CUX2: variants seen among roughly 807,000 people sequenced by gnomAD.
The protein encoded by CUX2 is homeobox protein cut-like 2.
CUX2 carries 40 observed loss-of-function variants against 144.8 expected under a neutral mutation model. The ratio of observed to expected loss-of-function variants is 0.28; its 90% CI spans 0.21 to 0.36. CUX2 has a LOEUF of 0.36. Ranked by LOEUF, CUX2 falls within the 10% of genes least tolerant of loss-of-function variation. The pLI is 1.00. For missense variants in CUX2, 1,615 were observed against 1,994.0 expected, an observed-to-expected ratio of 0.81 and a Z score of 3.62; for synonymous variants, 827 against 875.6, an observed-to-expected ratio of 0.94 and a Z score of 0.98.
intron 1 of CUX2, among the ~76,000 whole-genome samples, chr12:111,081,624 A>C (rs753726627): frequency 6.6e-6 from 1 of 152,148 alleles, no homozygotes; most frequent in Non-Finnish European, 1.5e-5. Flanking sequence ...CTGGCCATAA[A>C]GCATGACAGA....
chr12:111,044,817 AC>A (rs1869919887), intron 1 of CUX2, among the ~76,000 whole-genome samples: 1 of 151,936 alleles, frequency 6.6e-6, no homozygotes, highest in Non-Finnish European at 1.5e-5. Flanking sequence ...TGGCTGCTAC[AC>A]CCCTCACTGG....
chr12:111,347,559 C>T lies in CUX2; in HGVS notation c.3695C>T (p.Thr1232Ile), dbSNP rs200760684. The T allele has an allele frequency of 1.2e-6, 2 of 1,609,572 alleles. No homozygotes were observed. Among genetic ancestry groups the T allele is most frequent in the Middle Eastern group, 1.7e-4 (1 of 5,994 alleles). ...RMRREMLVEG[T>I]QDEPDLDPSG... ...CGCCGGGAGATGTTGGTGGAGGGGA[C>T]CCAGGATGAGCCAGACCTTGATCCA... The change falls in exon 22 of 22, where the codon ACC becomes ATC. Residue 1232 changes from threonine to isoleucine, a missense_variant. Coordinates refer to ENST00000261726, the MANE Select transcript of CUX2 (RefSeq NM_015267.4).
intron 1 of CUX2, among the ~76,000 whole-genome samples, chr12:111,199,119 G>A (rs1009748300): frequency 3.3e-5 from 5 of 152,182 alleles, no homozygotes; most frequent in African/African-American, 9.6e-5. Flanking sequence ...TAGCAGCTTG[G>A]ACAAAGGCGG....
chr12:111,312,239 G>A lies in CUX2; in HGVS notation c.2002+38G>A, dbSNP rs750649891. The A allele has an allele frequency of 3.5e-5, 54 of 1,537,200 alleles. No homozygotes were observed. The South Asian group carries it at 3.8e-4, about 11-fold the overall frequency. ...CCTGCAGGCAAAGCCTGAGGCCCCC[G>A]GGGCCAGCTGCGAACAGGAGATGAG... On this transcript the variant is annotated intron_variant, in intron 16 of 21. Transcript: ENST00000261726. The surrounding 1 kb of genome is among the most constrained non-coding windows in gnomAD (Gnocchi z 4.3).
At chr12:111,330,676 A>AATACATATACATATACATATACAT (rs1565925959) in intron 18 of CUX2, among the ~76,000 whole-genome samples, 1 of 79,190 alleles carries the variant, frequency 1.3e-5, no homozygotes, top group African/African-American at 4.4e-5. Flanking sequence ...TCTATTTAAA[A>AATACATATACATATACATATACAT]ATACATATAC....
rs1164449095 is a variant in CUX2 at position 111,037,029 on chromosome 12, C to A, written c.63+2789C>A. Among the ~76,000 whole-genome samples the A allele has an allele frequency of 6.6e-6, 1 of 151,880 alleles. No homozygotes were observed. Among genetic ancestry groups the A allele is most frequent in the African/African-American group, 2.4e-5 (1 of 41,326 alleles). On this transcript the variant is annotated intron_variant, in intron 1 of 21. Coordinates refer to ENST00000261726, the MANE Select transcript of CUX2 (RefSeq NM_015267.4). This position sits in a 1 kb window ranked among gnomAD's most constrained non-coding sequence, Gnocchi z 5.4. ...GACTCCTACGACACACTTTTATTTT[C>A]ATTTTTTGCCCCTCCCCTACTTTCC...
At chr12:111,291,847 G>A (rs954614079) in intron 5 of CUX2, among the ~76,000 whole-genome samples, 2 of 152,058 alleles carry the variant, frequency 1.3e-5, no homozygotes, top group South Asian at 2.1e-4. Flanking sequence ...CAACAGACCC[G>A]TTCAGGTTCC....
At chr12:111,345,804 A>G (rs1303019290) in intron 21 of CUX2, among the ~76,000 whole-genome samples, 2 of 151,268 alleles carry the variant, frequency 1.3e-5, no homozygotes, top group Non-Finnish European at 2.9e-5. Context: ...TTTTGCACCA[A>G]CCTAACAGAA....
intron 3 of CUX2, among the ~76,000 whole-genome samples, chr12:111,242,474 G>A (rs1441144605): frequency 6.6e-6 from 1 of 152,176 alleles, no homozygotes; most frequent in East Asian, 1.9e-4. Flanking sequence ...GAAAATACTT[G>A]CTCCGTGGCT....
chr12:111,119,472 A>G (rs889709253), intron 1 of CUX2, among the ~76,000 whole-genome samples: 1 of 152,138 alleles, frequency 6.6e-6, no homozygotes, highest in Non-Finnish European at 1.5e-5. Flanking sequence ...TTAAAAAAAT[A>G]GAAAAATCTA....
rs1871630940 is a variant in CUX2 at position 111,077,999 on chromosome 12, G to A, written c.63+43759G>A. ...CCAGGTGGTACCCAGGGGTGGCAAAGGCATCTCAGCTCTGGGGGTACCTGG... is the reference window on the plus strand; with the variant it reads ...CCAGGTGGTACCCAGGGGTGGCAAAAGCATCTCAGCTCTGGGGGTACCTGG... On this transcript the variant is annotated intron_variant, in intron 1 of 21. Transcript: ENST00000261726. The surrounding 1 kb of genome is among the most constrained non-coding windows in gnomAD (Gnocchi z 4.1). 6.6e-6 allele frequency among the ~76,000 whole-genome samples: 1 copy of A among 152,224 alleles called. No homozygotes were observed. Among genetic ancestry groups the A allele is most frequent in the African/African-American group, 2.4e-5 (1 of 41,458 alleles).
intron 21 of CUX2, 100 bp from the exon 22 acceptor site, chr12:111,347,424 C>A (rs1218049519): frequency 8.9e-7 from 1 of 1,121,728 alleles, no homozygotes; most frequent in Non-Finnish European, 1.3e-6. Flanking sequence ...CTAGAGAGCC[C>A]CAGGGCAGTG....
intron 1 of CUX2, among the ~76,000 whole-genome samples, chr12:111,080,090 T>C (rs148615738): frequency 1.1e-4 from 17 of 152,300 alleles, no homozygotes; most frequent in Non-Finnish European, 2.1e-4. Context: ...GGCCTTCTTG[T>C]TTCTTGAACG....
At chr12:111,316,971 G>A (rs752522773) in intron 16 of CUX2, among the ~76,000 whole-genome samples, 31 of 152,102 alleles carry the variant, frequency 2.0e-4, no homozygotes, top group Non-Finnish European at 3.7e-4. Context: ...TGTGTAAATG[G>A]AATCATATCA....
At chr12:111,228,990 C>T (rs1363126507) in intron 3 of CUX2, among the ~76,000 whole-genome samples, 2 of 152,154 alleles carry the variant, frequency 1.3e-5, no homozygotes, top group African/African-American at 2.4e-5. Context: ...ACAAATGGCA[C>T]TTCATCTTAT....
intron 1 of CUX2, among the ~76,000 whole-genome samples, chr12:111,194,023 A>G (rs1335076327): frequency 6.6e-6 from 1 of 151,928 alleles, no homozygotes; most frequent in Non-Finnish European, 1.5e-5. Flanking sequence ...AGCATTAAGG[A>G]CCTCCACATT....
chr12:111,064,315 T>C (rs1417860443), intron 1 of CUX2, among the ~76,000 whole-genome samples: 1 of 152,220 alleles, frequency 6.6e-6, no homozygotes, highest in Non-Finnish European at 1.5e-5. Flanking sequence ...TTCAGGCAAG[T>C]TACCTGACCC....
intron 16 of CUX2, among the ~76,000 whole-genome samples, chr12:111,316,485 T>C (rs1029217107): frequency 2.8e-5 from 4 of 142,220 alleles, no homozygotes; most frequent in African/African-American, 1.1e-4. Flanking sequence ...TCTTTAGCTC[T>C]GTCGCCCAGG....
intron 1 of CUX2, among the ~76,000 whole-genome samples, chr12:111,147,215 G>A (rs769681208): frequency 6.6e-6 from 1 of 152,216 alleles, no homozygotes. Context: ...ATGAACTGTG[G>A]AGAATTATTT....
Sources: allele counts gnomAD v4.1 joint callset (sites outside exome capture counted in the v4.1 genomes callset), GRCh38; gene constraint gnomAD v4.1.1; non-coding constraint Gnocchi (gnomAD v3.1); transcripts MANE v1.5; gene names NCBI Gene and HGNC (gene_info 2026-07-23, HGNC 2026-07-21).